The following ITK variants were observed in gnomAD, a reference collection of about 807,000 sequenced individuals.
ITK encodes the protein tyrosine-protein kinase ITK/TSK.
In ITK, 45 loss-of-function variants were observed where a neutral mutation model predicts 87.6. The ratio of observed to expected loss-of-function variants is 0.51; its 90% CI spans 0.40 to 0.66. ITK has a LOEUF of 0.66. Among genes scored for constraint, ITK ranks in the 30% least tolerant of loss-of-function variants. The probability of loss-of-function intolerance (pLI) is 0.00; values close to 1 mark genes in which losing one functional copy is unlikely to be tolerated. For synonymous variants in ITK, 303 were observed against 273.6 expected, an observed-to-expected ratio of 1.11 and a Z score of -1.06; for missense variants, 605 against 766.3, an observed-to-expected ratio of 0.79 and a Z score of 2.48.
chr5:157,196,843 T>G (rs1329920645), intron 1 of ITK, among the ~76,000 whole-genome samples: 5 of 152,360 alleles, frequency 3.3e-5, no homozygotes, highest in Admixed American at 2.0e-4. Context: ...TCTTTCAAAC[T>G]CATTTAACAT....
intron 1 of ITK, among the ~76,000 whole-genome samples, chr5:157,198,507 G>T (rs374783010): frequency 6.6e-6 from 1 of 152,192 alleles, no homozygotes; most frequent in South Asian, 2.1e-4. Context: ...ATGAGTAAGA[G>T]GTCTTATGGA....
At chr5:157,182,851 C>A (rs1476086126) in intron 1 of ITK, among the ~76,000 whole-genome samples, 2 of 152,046 alleles carry the variant, frequency 1.3e-5, no homozygotes, top group Non-Finnish European at 2.9e-5. Flanking sequence ...GAATTCAGCT[C>A]AATATTATTT....
chr5:157,234,912 A>T (rs1027322230), intron 8 of ITK, among the ~76,000 whole-genome samples: 1 of 152,142 alleles, frequency 6.6e-6, no homozygotes, highest in Non-Finnish European at 1.5e-5. Flanking sequence ...CTGCACATGT[A>T]CCCCAGAACT....
rs111310268 is a variant in ITK, at chr5:157,245,625, C to A, written c.1450-101C>A. On this transcript the variant is annotated intron_variant, in intron 13 of 16. Transcript: ENST00000422843. ...TCCATGATGCCCTTGTATGACAGCACTGCAGTAAAGCAAAGGACTGTGATT... is the reference window on the plus strand; with the variant it reads ...TCCATGATGCCCTTGTATGACAGCAATGCAGTAAAGCAAAGGACTGTGATT... The A allele has an allele frequency of 7.7e-6, 7 of 907,848 alleles. 1 individual carries two copies. In the African/African-American group the frequency reaches 8.1e-5, roughly 11 times the overall value. 56.2% of individuals were successfully genotyped at this position (907,848 alleles called of 1,614,324 possible). A position where few individuals can be genotyped will look rare whatever the true frequency, so the allele number is the denominator to read the frequency against.
chr5:157,193,464 AT>A (rs1580876259), intron 1 of ITK, among the ~76,000 whole-genome samples: 1 of 152,212 alleles, frequency 6.6e-6, no homozygotes, highest in East Asian at 1.9e-4. Flanking sequence ...ATAACAGCCA[AT>A]ATTTAATGAG....
Position 157,223,020 on chromosome 5 carries a change from T to G in ITK, c.647+6T>G. 6.2e-7 allele frequency: 1 copy of G among 1,613,982 alleles called. No homozygotes were observed. Among genetic ancestry groups the G allele is most frequent in the African/African-American group, 1.3e-5 (1 of 74,998 alleles). On this transcript the variant is annotated splice_donor_region_variant and intron_variant, in intron 6 of 16. Coordinates refer to ENST00000422843, the MANE Select transcript of ITK (RefSeq NM_005546.4). Reference sequence around the variant, plus strand: ...AGAGTCCAGGACAGGAATGGGTAAGTCATCTTTGTGGCTGCTGTCCCCGTG... The same window carrying G: ...AGAGTCCAGGACAGGAATGGGTAAGGCATCTTTGTGGCTGCTGTCCCCGTG...
In ITK at chr5:157,191,166, G is replaced by A. The variant is rs184294310; in HGVS notation, c.138+10051G>A. 5.3e-5 allele frequency among the ~76,000 whole-genome samples: 8 copies of A among 151,982 alleles called. No homozygotes were observed. In the East Asian group the frequency reaches 1.4e-3, roughly 26 times the overall value. ...TTTATTTTTTTATTTTTGAGACGGA[G>A]TCTCACTCTGTCACCCAGGCTGGAG... On this transcript the variant is annotated intron_variant, in intron 1 of 16. Transcript: ENST00000422843.
At chr5:157,237,738 C>T (rs1056423441) in intron 8 of ITK, among the ~76,000 whole-genome samples, 5 of 152,194 alleles carry the variant, frequency 3.3e-5, no homozygotes, top group African/African-American at 1.2e-4. Context: ...GGGAATGCCA[C>T]TTAAGCTCTC....
intron 9 of ITK, among the ~76,000 whole-genome samples, chr5:157,239,738 G>C (rs1561663086): frequency 6.6e-6 from 1 of 152,150 alleles, no homozygotes; most frequent in Non-Finnish European, 1.5e-5. Flanking sequence ...AATGTATGCT[G>C]ACAATCAGTT....
chr5:157,242,666 C>T (rs1041329932), intron 11 of ITK, among the ~76,000 whole-genome samples: 3 of 152,022 alleles, frequency 2.0e-5, no homozygotes, highest in African/African-American at 7.3e-5. Context: ...ACTATGTTGC[C>T]CTGGCTGGTC....
At chr5:157,191,011 A>G (rs1206077893) in intron 1 of ITK, among the ~76,000 whole-genome samples, 2 of 152,174 alleles carry the variant, frequency 1.3e-5, no homozygotes, top group African/African-American at 4.8e-5. Context: ...AGATTATACA[A>G]TGGCCAAGAA....
chr5:157,200,577 T>C (rs569922159), intron 1 of ITK, among the ~76,000 whole-genome samples: 1 of 152,316 alleles, frequency 6.6e-6, no homozygotes, highest in Admixed American at 6.5e-5. Flanking sequence ...TTACCAAGTA[T>C]TGGATCTTGT....
rs548782852 is a variant in ITK, at chr5:157,214,474, G to T, written c.454+155G>T. ...AATCATCTGTCTTTCCTACCAGCCT[G>T]TTGGTGCTTCCATCTCAAAGCTGAT... On this transcript the variant is annotated intron_variant, in intron 4 of 16. Coordinates refer to ENST00000422843, the MANE Select transcript of ITK (RefSeq NM_005546.4). Among the ~76,000 whole-genome samples, 7 of 152,322 alleles carry T rather than the reference G, an allele frequency of 4.6e-5. No homozygotes were observed. The South Asian group carries it at 1.4e-3, about 32-fold the overall frequency.
chr5:157,239,165 ACCCCCAGCTTCAG>A (rs1382399316), intron 9 of ITK, among the ~76,000 whole-genome samples: 1 of 151,986 alleles, frequency 6.6e-6, no homozygotes, highest in Non-Finnish European at 1.5e-5. Flanking sequence ...CCCCACAACT[ACCCCCAGCTTCAG>A]GGATTCACTA....
chr5:157,216,162 TG>T (rs1373063115), intron 4 of ITK, among the ~76,000 whole-genome samples: 3 of 152,222 alleles, frequency 2.0e-5, no homozygotes, highest in Non-Finnish European at 4.4e-5. Flanking sequence ...ATCTGAGTTT[TG>T]CACAGTTGAG....
chr5:157,222,234 G>A (rs970296438), intron 5 of ITK, among the ~76,000 whole-genome samples: 2 of 152,202 alleles, frequency 1.3e-5, no homozygotes, highest in South Asian at 4.2e-4. Context: ...GCGCTTTGTG[G>A]TCTTTTCTTC....
At chr5:157,227,039 C>G (rs1430249824) in intron 6 of ITK, among the ~76,000 whole-genome samples, 1 of 152,132 alleles carries the variant, frequency 6.6e-6, no homozygotes, top group Non-Finnish European at 1.5e-5. Context: ...AGGTTTGTCT[C>G]AAACTCCTGA....
At chr5:157,198,567 T>C (rs1483357615) in intron 1 of ITK, among the ~76,000 whole-genome samples, 1 of 152,112 alleles carries the variant, frequency 6.6e-6, no homozygotes, top group Non-Finnish European at 1.5e-5. Context: ...TTTCCTGGCT[T>C]TAAGGTGGTC....
intron 15 of ITK, among the ~76,000 whole-genome samples, chr5:157,246,417 T>C (rs1033329992): frequency 6.6e-6 from 1 of 152,226 alleles, no homozygotes; most frequent in Admixed American, 6.5e-5. Flanking sequence ...TGCCAAGGGC[T>C]AATCTAGGTG....
Sources: allele counts gnomAD v4.1 joint callset (sites outside exome capture counted in the v4.1 genomes callset), GRCh38; gene constraint gnomAD v4.1.1; transcripts MANE v1.5; gene names NCBI Gene and HGNC (gene_info 2026-07-23, HGNC 2026-07-21).